The following AGBL1 variants were observed in gnomAD, a reference collection of about 807,000 sequenced individuals.
AGBL1 encodes AGBL carboxypeptidase 1, also known as cytosolic carboxypeptidase 4.
AGBL1 carries 130 observed loss-of-function variants against 118.9 expected under a neutral mutation model. That is an observed-to-expected ratio of 1.09 (90% CI 0.95 to 1.26). The LOEUF (loss-of-function observed/expected upper bound fraction) is 1.26. Among genes scored for constraint, AGBL1 ranks in the 50% most tolerant of loss-of-function variants. AGBL1 has a pLI of 0.00. For synonymous variants in AGBL1, 555 were observed against 478.9 expected (o/e 1.16, Z -2.08); for missense variants, 1,584 against 1,298.1 (o/e 1.22, Z -3.38).
intron 24 of AGBL1, among the ~76,000 whole-genome samples, chr15:87,017,312 T>C (rs1294533147): frequency 6.6e-6 from 1 of 152,116 alleles, no homozygotes; most frequent in Non-Finnish European, 1.5e-5. Context: ...AGGTCCCTGA[T>C]ACCATTCTTC....
intron 17 of AGBL1, among the ~76,000 whole-genome samples, chr15:86,300,597 C>T (rs1291066344): frequency 3.9e-5 from 6 of 151,920 alleles, no homozygotes; most frequent in Admixed American, 6.6e-5. Flanking sequence ...TCTGAGACAC[C>T]GCCACCCTGC....
intron 6 of AGBL1, among the ~76,000 whole-genome samples, chr15:86,231,615 T>C (rs1164061389): frequency 6.6e-6 from 1 of 152,192 alleles, no homozygotes; most frequent in Admixed American, 6.5e-5. Flanking sequence ...CAAGAGTTCT[T>C]AGTATGTCAG....
At chr15:86,468,723 A>T (rs1189830122) in intron 18 of AGBL1, among the ~76,000 whole-genome samples, 1 of 152,232 alleles carries the variant, frequency 6.6e-6, no homozygotes, top group African/African-American at 2.4e-5. Context: ...CCAAGGAATA[A>T]TGAGTAGAGT....
At chr15:86,082,134 T>G (rs371722077) in intron 1 of AGBL1, among the ~76,000 whole-genome samples, 1 of 152,246 alleles carries the variant, frequency 6.6e-6, no homozygotes, top group Admixed American at 6.5e-5. Flanking sequence ...TTTCTGTCTC[T>G]ACGGTAGAAG....
rs191588634 is a variant in AGBL1, at chr15:86,523,931, C to T, written c.2685+992C>T. On this transcript the variant is annotated intron_variant, in intron 19 of 22. Transcript: ENST00000614907. ...GTCTACAAACATGTAGAGGGACATA[C>T]GTCCAAATTCAGAGTCCTTACCTAA... is the stretch of plus-strand genomic sequence containing the variant. Among the ~76,000 whole-genome samples the T allele has an allele frequency of 1.6e-4, 24 of 152,256 alleles. No homozygotes were observed. In the East Asian group the frequency reaches 2.7e-3, roughly 17 times the overall value.
At chr15:86,261,355 A>G (rs932179111) in intron 9 of AGBL1, among the ~76,000 whole-genome samples, 1 of 152,188 alleles carries the variant, frequency 6.6e-6, no homozygotes, top group African/African-American at 2.4e-5. Flanking sequence ...TGAAGCTGCA[A>G]AGCACAAGAG....
chr15:86,632,466 T>C (rs1170557017), intron 21 of AGBL1, among the ~76,000 whole-genome samples: 2 of 151,958 alleles, frequency 1.3e-5, no homozygotes, highest in Non-Finnish European at 2.9e-5. Flanking sequence ...ATGTTAATCA[T>C]GTCCATTTGA....
At chr15:86,881,823 A>G (rs1302296479) in intron 22 of AGBL1, among the ~76,000 whole-genome samples, 1 of 152,110 alleles carries the variant, frequency 6.6e-6, no homozygotes, top group East Asian at 1.9e-4. Context: ...TTTAGTAGAG[A>G]TGGAGTTTTG....
chr15:86,816,091 G>A (rs932144788), intron 22 of AGBL1, among the ~76,000 whole-genome samples: 4 of 152,160 alleles, frequency 2.6e-5, no homozygotes, highest in African/African-American at 9.7e-5. Flanking sequence ...GATAAGACGT[G>A]TCAGTTAAAA....
At chr15:87,013,609 C>A (rs1270411482) in intron 24 of AGBL1, among the ~76,000 whole-genome samples, 2 of 151,950 alleles carry the variant, frequency 1.3e-5, no homozygotes, top group Middle Eastern at 3.2e-3. Flanking sequence ...AAGACCCATG[C>A]AGGTGATCTT....
intron 22 of AGBL1, among the ~76,000 whole-genome samples, chr15:86,763,784 T>A (rs1235127904): frequency 6.6e-6 from 1 of 152,080 alleles, no homozygotes; most frequent in African/African-American, 2.4e-5. Flanking sequence ...AGAGTTTTAC[T>A]GTAGCTTTGG....
chr15:86,971,676 TG>T (rs2081110155), intron 23 of AGBL1, among the ~76,000 whole-genome samples: 3 of 152,016 alleles, frequency 2.0e-5, no homozygotes, highest in Admixed American at 1.3e-4. Context: ...TGAGGTAATT[TG>T]GTATCTGGAA....
intron 23 of AGBL1, chr15:86,987,944 T>G (rs1256182703): frequency 6.3e-7 from 1 of 1,591,652 alleles, no homozygotes; most frequent in Non-Finnish European, 8.5e-7. Context: ...CACTATGGTT[T>G]ATTTTCACCA....
At chr15:86,275,520 T>C (rs2079236817) in intron 15 of AGBL1, among the ~76,000 whole-genome samples, 1 of 152,204 alleles carries the variant, frequency 6.6e-6, no homozygotes, top group South Asian at 2.1e-4. Flanking sequence ...GCTTATTTTA[T>C]GCACCCTGCT....
chr15:86,675,807 C>T (rs2085834670), intron 22 of AGBL1, among the ~76,000 whole-genome samples: 2 of 152,078 alleles, frequency 1.3e-5, no homozygotes, highest in South Asian at 4.1e-4. Flanking sequence ...CTCTGCTGCT[C>T]ATTGAGGGAA....
chr15:86,786,232 A>G (rs1382247991), intron 22 of AGBL1, among the ~76,000 whole-genome samples: 1 of 152,020 alleles, frequency 6.6e-6, no homozygotes, highest in Admixed American at 6.6e-5. Context: ...CATTAGGTAT[A>G]TCTCCTAAAG....
At chr15:86,854,311 A>G (rs1190206896) in intron 22 of AGBL1, among the ~76,000 whole-genome samples, 1 of 152,160 alleles carries the variant, frequency 6.6e-6, no homozygotes, top group African/African-American at 2.4e-5. Flanking sequence ...TGTCCCTGGC[A>G]GAAGCCTGAT....
chr15:86,179,671 A>G (rs1424893879), intron 5 of AGBL1, among the ~76,000 whole-genome samples: 5 of 152,328 alleles, frequency 3.3e-5, no homozygotes, highest in Non-Finnish European at 5.9e-5. Flanking sequence ...CTGTCATTAA[A>G]TCTATTTAAC....
chr15:86,818,278 C>A (rs1358598873), intron 22 of AGBL1, among the ~76,000 whole-genome samples: 2 of 152,244 alleles, frequency 1.3e-5, no homozygotes, highest in Non-Finnish European at 2.9e-5. Flanking sequence ...GTTCTGTGGC[C>A]TGTTAGGAAC....
Sources: allele counts gnomAD v4.1 joint callset (sites outside exome capture counted in the v4.1 genomes callset), GRCh38; gene constraint gnomAD v4.1.1; transcripts MANE v1.5; gene names NCBI Gene and HGNC (gene_info 2026-07-23, HGNC 2026-07-21).